The following CTNNA3 variants were observed in gnomAD, a reference collection of about 807,000 sequenced individuals.
The protein encoded by CTNNA3 is catenin alpha 3, also known as catenin alpha-3.
CTNNA3 carries 76 observed loss-of-function variants against 95.7 expected under a neutral mutation model. The observed-to-expected ratio is 0.79, with a 90% CI of 0.66 to 0.96. The LOEUF is 0.96. Among genes scored for constraint, CTNNA3 ranks in the 40% least tolerant of loss-of-function variants. The probability of loss-of-function intolerance (pLI) is 0.00; values close to 1 mark genes in which losing one functional copy is unlikely to be tolerated. For synonymous variants in CTNNA3, 431 were observed against 374.4 expected (o/e 1.15, Z -1.74); for missense variants, 1,191 against 1,089.8 (o/e 1.09, Z -1.31).
In CTNNA3 at chr10:65,969,238, GA is replaced by G. The variant is rs1554822990; in HGVS notation, c.2266-2493del. Among the ~76,000 whole-genome samples the G allele has an allele frequency of 8.2e-3, 1,228 of 149,292 alleles. 11 individuals carry two copies. The highest frequency in any genetic ancestry group is 0.028 in the African/African-American group (1,139 of 40,750). ...AATAGATGGGAAAGGGAAAGGGAAA[GA>G]AAAAAAAATCAATAGTATTATAGGG... On this transcript the variant is annotated intron_variant, in intron 16 of 17. Coordinates refer to ENST00000433211, the MANE Select transcript of CTNNA3 (RefSeq NM_013266.4).
At position 66,298,882 on chromosome 10, in the gene CTNNA3, G is replaced by A. The variant is rs1431558096; in HGVS notation, c.1733-18261C>T. On this transcript the variant is annotated intron_variant, in intron 12 of 17. Transcript: ENST00000433211. ...ACCTACGAAAGGAAAATAAATCTTGGAGCCCCCAAATCACTAATCTAAAGG... is the reference window on the plus strand; with the variant it reads ...ACCTACGAAAGGAAAATAAATCTTGAAGCCCCCAAATCACTAATCTAAAGG... Among the ~76,000 whole-genome samples, 4 of 152,216 alleles carry A rather than the reference G, an allele frequency of 2.6e-5. No homozygotes were observed. The East Asian group carries it at 7.7e-4, about 29-fold the overall frequency.
At chr10:66,218,509 C>T (rs1264839413) in intron 13 of CTNNA3, among the ~76,000 whole-genome samples, 3 of 152,114 alleles carry the variant, frequency 2.0e-5, no homozygotes, top group Non-Finnish European at 4.4e-5. Flanking sequence ...CTGCAAAAAC[C>T]ACATGAGCAA....
intron 11 of CTNNA3, among the ~76,000 whole-genome samples, chr10:66,418,112 T>TAA (rs201086969): frequency 7.4e-6 from 1 of 135,082 alleles, no homozygotes; most frequent in African/African-American, 2.7e-5. Flanking sequence ...TTGAAAACAT[T>TAA]AAAAAAAAAA....
chr10:66,877,089 G>T (rs1844654521), intron 7 of CTNNA3, among the ~76,000 whole-genome samples: 1 of 151,986 alleles, frequency 6.6e-6, no homozygotes, highest in South Asian at 2.1e-4. Context: ...GCATCACCTG[G>T]CACCTGTCTT....
intron 11 of CTNNA3, among the ~76,000 whole-genome samples, chr10:66,445,892 T>G (rs1457513908): frequency 6.6e-6 from 1 of 152,248 alleles, no homozygotes; most frequent in East Asian, 1.9e-4. Context: ...GGAGCTGGTT[T>G]TTTGAAAAGA....
At chr10:66,475,979 T>C (rs1326789745) in intron 11 of CTNNA3, among the ~76,000 whole-genome samples, 1 of 152,060 alleles carries the variant, frequency 6.6e-6, no homozygotes, top group East Asian at 1.9e-4. Context: ...CCATCAATGA[T>C]AGACTGGATA....
intron 15 of CTNNA3, among the ~76,000 whole-genome samples, chr10:66,032,921 G>A (rs1362038707): frequency 6.6e-6 from 1 of 152,028 alleles, no homozygotes; most frequent in East Asian, 1.9e-4. Context: ...AGAAGTCAAG[G>A]GACTTGCCCA....
At chr10:65,981,065 T>G (rs1345977177) in intron 16 of CTNNA3, among the ~76,000 whole-genome samples, 4 of 152,020 alleles carry the variant, frequency 2.6e-5, no homozygotes, top group Non-Finnish European at 4.4e-5. Flanking sequence ...TGCTGTTTGC[T>G]GATGATATGA....
At chr10:66,995,922 G>C (rs902879202) in intron 7 of CTNNA3, among the ~76,000 whole-genome samples, 3 of 152,106 alleles carry the variant, frequency 2.0e-5, no homozygotes, top group Non-Finnish European at 4.4e-5. Context: ...TATTGCATTA[G>C]ACATTGTATT....
chr10:66,690,643 G>T (rs1347957208), intron 9 of CTNNA3, among the ~76,000 whole-genome samples: 1 of 151,022 alleles, frequency 6.6e-6, no homozygotes, highest in African/African-American at 2.5e-5. Context: ...CCCTACAAAG[G>T]ACATGAACTC....
chr10:66,720,158 CCTT>C, intron 9 of CTNNA3, among the ~76,000 whole-genome samples: 2 of 151,954 alleles, frequency 1.3e-5, no homozygotes, highest in South Asian at 4.2e-4. Flanking sequence ...ATTGGAAAGA[CCTT>C]CTCTCTCGTT....
intron 5 of CTNNA3, among the ~76,000 whole-genome samples, chr10:67,451,068 T>G (rs1026896238): frequency 6.6e-6 from 1 of 152,060 alleles, no homozygotes; most frequent in Admixed American, 6.6e-5. Flanking sequence ...ATGAATGGTT[T>G]AATACCAACT....
chr10:67,143,010 G>T (rs116598202), intron 7 of CTNNA3, among the ~76,000 whole-genome samples: 84 of 152,166 alleles, frequency 5.5e-4, no homozygotes, highest in Admixed American at 3.9e-3. Context: ...TGATGGTGGC[G>T]GTTCTTGCCT....
At chr10:67,386,433 C>T (rs1844166135) in intron 5 of CTNNA3, among the ~76,000 whole-genome samples, 2 of 152,278 alleles carry the variant, frequency 1.3e-5, no homozygotes, top group African/African-American at 2.4e-5. Flanking sequence ...TCTAACATAC[C>T]ACATACCACC....
chr10:66,799,818 T>G (rs1416136633), intron 7 of CTNNA3, among the ~76,000 whole-genome samples: 1 of 151,372 alleles, frequency 6.6e-6, no homozygotes, highest in Admixed American at 6.6e-5. Context: ...AACATTCTAG[T>G]GCAATTATTC....
intron 17 of CTNNA3, among the ~76,000 whole-genome samples, chr10:65,941,833 T>C (rs1266843373): frequency 6.6e-6 from 1 of 152,028 alleles, no homozygotes; most frequent in African/African-American, 2.4e-5. Context: ...TAAAGATGTT[T>C]ACAATTTGCA....
At chr10:67,001,320 AAAG>A (rs1392975279) in intron 7 of CTNNA3, among the ~76,000 whole-genome samples, 6 of 151,144 alleles carry the variant, frequency 4.0e-5, no homozygotes, top group Non-Finnish European at 7.4e-5. Flanking sequence ...AAAGAAAAAA[AAAG>A]AGAAAAAAAT....
chr10:67,663,518 T>C (rs559072394), intron 1 of CTNNA3, among the ~76,000 whole-genome samples: 12 of 152,206 alleles, frequency 7.9e-5, no homozygotes, highest in African/African-American at 2.9e-4. Context: ...TGTGCTCCTC[T>C]GCACAACGGC....
At chr10:66,284,020 C>T (rs1019786515) in intron 12 of CTNNA3, among the ~76,000 whole-genome samples, 1 of 151,864 alleles carries the variant, frequency 6.6e-6, no homozygotes, top group African/African-American at 2.4e-5. Context: ...ACCTTAAACA[C>T]ATCCATTCTA....
Sources: gnomAD v4.1 joint callset for allele counts (sites outside exome capture counted in the v4.1 genomes callset) on GRCh38, gnomAD v4.1.1 for gene constraint, MANE v1.5 for transcripts, NCBI Gene and HGNC (gene_info 2026-07-23, HGNC 2026-07-21) for gene names.